HERC1: variants seen among roughly 807,000 people sequenced by gnomAD.
HERC1 encodes the protein probable E3 ubiquitin-protein ligase HERC1.
HERC1 carries 160 observed loss-of-function variants against 554.3 expected under a neutral mutation model. The ratio of observed to expected loss-of-function variants is 0.29; its 90% CI spans 0.25 to 0.33. The LOEUF (loss-of-function observed/expected upper bound fraction) is 0.33, where lower values mean the gene tolerates loss of function less well. Among genes scored for constraint, HERC1 ranks in the 10% least tolerant of loss-of-function variants. The probability of loss-of-function intolerance (pLI) is 1.00; values close to 1 mark genes in which losing one functional copy is unlikely to be tolerated. For missense variants in HERC1, 4,919 were observed against 5,918.5 expected (o/e 0.83, Z 5.54); for synonymous variants, 2,175 against 2,131.7 (o/e 1.02, Z -0.56).
chr15:63,671,913 C>T (rs1595937407), intron 39 of HERC1, among the ~76,000 whole-genome samples: 1 of 152,258 alleles, frequency 6.6e-6, no homozygotes, highest in African/African-American at 2.4e-5. Context: ...GCTCTTCTCT[C>T]AAAAGTTTTC....
intron 24 of HERC1, 61 bp downstream of exon 24, chr15:63,712,714 C>G (rs75229626): frequency 8.7e-6 from 13 of 1,495,112 alleles, no homozygotes; most frequent in East Asian, 6.8e-5. Flanking sequence ...CTAACCAAAG[C>G]CTTACATATC....
At chr15:63,771,197 A>G (rs2075945317) in intron 2 of HERC1, among the ~76,000 whole-genome samples, 1 of 152,018 alleles carries the variant, frequency 6.6e-6, no homozygotes, top group South Asian at 2.1e-4. Context: ...TCAAAAAAAA[A>G]AAGAAAAGAA....
intron 69 of HERC1, among the ~76,000 whole-genome samples, chr15:63,629,751 T>C (rs1416144758): frequency 6.6e-6 from 1 of 152,170 alleles, no homozygotes; most frequent in Non-Finnish European, 1.5e-5. Flanking sequence ...CTAATATGAA[T>C]AATGCTAGAC....
chr15:63,635,032 A>T (rs775530459), intron 65 of HERC1, 144 bp from the exon 66 acceptor site: 1 of 575,370 alleles, frequency 1.7e-6, no homozygotes, highest in South Asian at 3.3e-5. Flanking sequence ...TGCTTTTAAA[A>T]ATTTTTTTTT....
At position 63,683,008 on chromosome 15, in the gene HERC1, T is replaced by C. The variant is rs147239190; in HGVS notation, c.6226-2232A>G. Among the ~76,000 whole-genome samples, 14 of 151,978 alleles carry C rather than the reference T, an allele frequency of 9.2e-5. No individual in the cohort carries two copies. The East Asian group carries it at 2.7e-3, about 29-fold the overall frequency. ...AAAATTAGCCAGGCATGCTGATGCG[T>C]GCCTCCAGTCTCACCTATTCGGGAG... On this transcript the variant is annotated intron_variant, in intron 34 of 77. Coordinates refer to ENST00000443617, the MANE Select transcript of HERC1 (RefSeq NM_003922.4).
rs376035697 is a variant in HERC1 at position 63,609,079 on chromosome 15, G to A, written c.*2C>T. On this transcript the variant is annotated 3_prime_UTR_variant, in exon 78 of 78. Transcript: ENST00000443617. The stretch of plus-strand genomic sequence containing the variant: ...GAAGGGAGGGTGAGAGCACCCGCAC[G>A]GTCAGTAGTCAGTGTCGGAGCCCTC... 11 of 1,612,124 alleles carry A rather than the reference G, an allele frequency of 6.8e-6. No individual in the cohort carries two copies. The highest frequency in any genetic ancestry group is 8.5e-6 in the Non-Finnish European group (10 of 1,178,938).
intron 25 of HERC1, among the ~76,000 whole-genome samples, chr15:63,699,256 G>A (rs1031906509): frequency 5.9e-5 from 9 of 152,166 alleles, no homozygotes; most frequent in Non-Finnish European, 8.8e-5. Flanking sequence ...TTAGCAACAC[G>A]CTGCCACAAG....
chr15:63,785,307 C>T (rs1596248488), intron 1 of HERC1, among the ~76,000 whole-genome samples: 2 of 151,918 alleles, frequency 1.3e-5, no homozygotes, highest in East Asian at 3.9e-4. Flanking sequence ...GACTGTGGTC[C>T]CAGCAACTTA....
intron 2 of HERC1, among the ~76,000 whole-genome samples, chr15:63,773,615 C>T (rs1304048097): frequency 6.6e-6 from 1 of 151,482 alleles, no homozygotes; most frequent in Non-Finnish European, 1.5e-5. Context: ...ATGATCTCTG[C>T]TCACTGCAAC....
chr15:63,612,115 G>C lies in HERC1; in HGVS notation c.14400+136C>G. On this transcript the variant is annotated intron_variant, in intron 77 of 77. Transcript: ENST00000443617. This position sits in a 1 kb window ranked among gnomAD's most constrained non-coding sequence, Gnocchi z 5.0. ...AGGCAGGAGAACTGCTTGAAGCTAGGAAGCGGAGGTTGCAGTAAGCTAAAA... is the reference window on the plus strand; with the variant it reads ...AGGCAGGAGAACTGCTTGAAGCTAGCAAGCGGAGGTTGCAGTAAGCTAAAA... 1 of 732,650 alleles carries C rather than the reference G, an allele frequency of 1.4e-6. No homozygotes were observed. Among genetic ancestry groups the C allele is most frequent in the Non-Finnish European group, 2.2e-6 (1 of 456,426 alleles). The allele number at this position is 732,650 out of a possible 1,614,324, so 45.4% of individuals were successfully genotyped here.
intron 57 of HERC1, 45 bp downstream of exon 57, chr15:63,644,947 A>G (rs1431304081): frequency 1.0e-5 from 14 of 1,402,350 alleles, no homozygotes; most frequent in Non-Finnish European, 1.3e-5. Context: ...GATGTCATAT[A>G]CTTTCCATAG....
chr15:63,744,164 G>GTGTGTCTCTCTCTCTCTC, intron 12 of HERC1, among the ~76,000 whole-genome samples: 9 of 46,216 alleles, frequency 1.9e-4, no homozygotes, highest in Admixed American at 4.9e-4. Flanking sequence ...GTGTGTGTGT[G>GTGTGTCTCTCTCTCTCTC]TCTCTCTCTC....
Position 63,624,273 on chromosome 15 carries a change from G to A in HERC1, c.13330C>T (p.Arg4444Trp), listed in dbSNP as rs1344333064. 6.2e-7 allele frequency: 1 copy of A among 1,613,672 alleles called. No homozygotes were observed. The highest frequency in any genetic ancestry group is 8.5e-7 in the Non-Finnish European group (1 of 1,179,724). The change falls in exon 72 of 78, where the codon CGG (arginine) becomes TGG (tryptophan). Residue 4444 changes from arginine (R) to tryptophan (W), a missense_variant. Physicochemically the swap from Arg to Trp is moderately radical, Grantham distance 101 (BLOSUM62 -3). Around this residue, in one of 11 missense-constraint regions of HERC1, gnomAD observed 410 missense variants for 467.0 expected, o/e 0.88. Transcript: ENST00000443617. ...TAGACTCTTGGGGCTAACAAAGGCC[G>A]AAGTTGTCCCTGTACAATGCCCCAA... ...GTWGIVQGQL[R>W]PLLAPRVYTL...
chr15:63,728,589 GAA>G (rs973931957), intron 16 of HERC1, among the ~76,000 whole-genome samples: 1 of 152,068 alleles, frequency 6.6e-6, no homozygotes, highest in Non-Finnish European at 1.5e-5. Flanking sequence ...GGATAACCAA[GAA>G]AAGACACCCA....
intron 58 of HERC1, 77 bp downstream of exon 58, chr15:63,643,327 T>C: frequency 3.1e-6 from 4 of 1,274,244 alleles, no homozygotes; most frequent in Middle Eastern, 3.8e-4. Flanking sequence ...GTTTCTACAA[T>C]TGGTTAATTT....
chr15:63,655,579 C>T (rs993542510), intron 50 of HERC1, among the ~76,000 whole-genome samples, 163 bp downstream of exon 50: 1 of 152,138 alleles, frequency 6.6e-6, no homozygotes, highest in Non-Finnish European at 1.5e-5. Context: ...ATTTTCTAAT[C>T]TTTGTTTCCA....
At position 63,612,220 on chromosome 15, in the gene HERC1, A is replaced by G. The variant is rs199937922; in HGVS notation, c.14400+31T>C. The G allele has an allele frequency of 1.9e-6, 3 of 1,543,772 alleles. No individual in the cohort carries two copies. Among genetic ancestry groups the G allele is most frequent in the African/African-American group, 1.4e-5 (1 of 73,586 alleles). ...ACAACAATGAAGCAATAAGGCAGAC[A>G]TTACAAAGGAAAAAAGAATAGCTTA... On this transcript the variant is annotated intron_variant, in intron 77 of 77. Coordinates refer to ENST00000443617, the MANE Select transcript of HERC1 (RefSeq NM_003922.4). The surrounding 1 kb of genome is among the most constrained non-coding windows in gnomAD (Gnocchi z 5.0).
chr15:63,732,687 T>A (rs1005934914), intron 14 of HERC1, among the ~76,000 whole-genome samples: 1 of 152,258 alleles, frequency 6.6e-6, no homozygotes, highest in African/African-American at 2.4e-5. Flanking sequence ...TTATTCTGTT[T>A]ATTATTCTAC....
chr15:63,815,921 G>T (rs921251075), intron 1 of HERC1, among the ~76,000 whole-genome samples: 1 of 152,052 alleles, frequency 6.6e-6, no homozygotes, highest in African/African-American at 2.4e-5. Flanking sequence ...GCAAAAGGGG[G>T]GAAAGCCCCT....
Sources: allele counts gnomAD v4.1 joint callset (sites outside exome capture counted in the v4.1 genomes callset), GRCh38; gene constraint gnomAD v4.1.1; regional missense constraint gnomAD v4.1.1; non-coding constraint Gnocchi (gnomAD v3.1); transcripts MANE v1.5; gene names NCBI Gene and HGNC (gene_info 2026-07-23, HGNC 2026-07-21).